The following BCAR3 variants were observed in gnomAD, a reference collection of about 807,000 sequenced individuals.
BCAR3 encodes breast cancer anti-estrogen resistance protein 3.
Under a neutral mutation model 80.1 loss-of-function variants are expected in BCAR3, and 37 were observed. The observed-to-expected ratio is 0.46, with a 90% CI of 0.36 to 0.61. The LOEUF (loss-of-function observed/expected upper bound fraction) is 0.61. BCAR3 is among the 20% of genes least tolerant of loss of function. BCAR3 has a pLI of 0.00. For synonymous variants in BCAR3, 389 were observed against 418.9 expected (o/e 0.93, Z 0.87); for missense variants, 978 against 1,068.2 (o/e 0.92, Z 1.18).
chr1:93,685,300 AAGTACTGCTATT>A (rs1158556577), upstream of BCAR3, among the ~76,000 whole-genome samples: 6 of 152,178 alleles, frequency 3.9e-5, no homozygotes, highest in African/African-American at 1.4e-4. Context: ...CACTAGAAAT[AAGTACTGCTATT>A]AGTACTGCTA....
chr1:93,731,305 C>A (rs1434303439), intron 2 of BCAR3, among the ~76,000 whole-genome samples: 1 of 152,202 alleles, frequency 6.6e-6, no homozygotes, highest in Non-Finnish European at 1.5e-5. Flanking sequence ...GTATTGGTTT[C>A]TTAATTGTGA....
At chr1:93,645,382 G>C (rs1676121424) in intron 2 of BCAR3, among the ~76,000 whole-genome samples, 1 of 152,120 alleles carries the variant, frequency 6.6e-6, no homozygotes, top group Non-Finnish European at 1.5e-5. Context: ...CTACTTCCCA[G>C]AGTTTATGTA....
chr1:93,679,293 CTG>C (rs1245240889), intron 1 of BCAR3, among the ~76,000 whole-genome samples: 1 of 152,206 alleles, frequency 6.6e-6, no homozygotes, highest in Admixed American at 6.5e-5. Flanking sequence ...ATAAGAGTCA[CTG>C]TATCTCTGTT....
At chr1:93,698,934 C>G (rs1040377393) in intron 3 of BCAR3, among the ~76,000 whole-genome samples, 1 of 152,196 alleles carries the variant, frequency 6.6e-6, no homozygotes, top group Admixed American at 6.5e-5. Flanking sequence ...GCACACAACA[C>G]AAGGGAATCG....
chr1:93,838,632 G>A (rs1654851141), intron 2 of BCAR3, among the ~76,000 whole-genome samples: 1 of 152,144 alleles, frequency 6.6e-6, no homozygotes, highest in Admixed American at 6.5e-5. Flanking sequence ...GTCATTTATA[G>A]TCTGCTACTG....
In BCAR3 at chr1:93,576,018, C is replaced by A; in HGVS notation, c.1798G>T (p.Glu600Ter). 1.2e-6 allele frequency: 2 copies of A among 1,614,092 alleles called. No individual in the cohort carries two copies. The highest frequency in any genetic ancestry group is 1.7e-6 in the Non-Finnish European group (2 of 1,179,974). The stretch of plus-strand genomic sequence containing the variant: ...GCAGAGGACGGCACTGCTCACCTTT[C>A]AATTATGTCCAGGCGCAGCTGGTGT... ...HGHQLRLDII[E>*]RHNTMAIGIA... The change falls in exon 8 of 12, where the codon GAA (glutamate) becomes TAA (stop). Residue 600 changes from glutamate (E) to a stop codon, truncating the protein, a stop_gained. Transcript: ENST00000260502. LOFTEE classifies it high-confidence loss of function.
chr1:93,678,950 TTC>T (rs1648624745), intron 1 of BCAR3, among the ~76,000 whole-genome samples: 1 of 152,206 alleles, frequency 6.6e-6, no homozygotes, highest in Non-Finnish European at 1.5e-5. Flanking sequence ...TTGGAAATAT[TTC>T]TGTCTCAATG....
intron 2 of BCAR3, among the ~76,000 whole-genome samples, chr1:93,729,833 C>G (rs1409615998): frequency 6.6e-6 from 1 of 152,236 alleles, no homozygotes; most frequent in African/African-American, 2.4e-5. Context: ...ACTGGGGCCA[C>G]ATCAGCTTGC....
chr1:93,809,209 T>A (rs1419755609), intron 2 of BCAR3, among the ~76,000 whole-genome samples: 1 of 152,102 alleles, frequency 6.6e-6, no homozygotes, highest in Non-Finnish European at 1.5e-5. Context: ...TTTCACTATA[T>A]TTAGAAGGAT....
At chr1:93,808,601 A>T (rs1653730997) in intron 2 of BCAR3, among the ~76,000 whole-genome samples, 1 of 152,198 alleles carries the variant, frequency 6.6e-6, no homozygotes, top group African/African-American at 2.4e-5. Flanking sequence ...GCAATATGGC[A>T]ACCACGTTAC....
At chr1:93,567,543 C>T (rs1459323277) in intron 10 of BCAR3, 52 bp from the exon 11 acceptor site, 3 of 1,587,240 alleles carry the variant, frequency 1.9e-6, no homozygotes, top group Non-Finnish European at 2.6e-6. Context: ...CAAAGTTAAG[C>T]ACAGAATGAG....
At chr1:93,699,410 G>C (rs1403336855) in intron 3 of BCAR3, among the ~76,000 whole-genome samples, 8 of 152,130 alleles carry the variant, frequency 5.3e-5, no homozygotes, top group African/African-American at 1.9e-4. Flanking sequence ...AGGGAGGCTG[G>C]GCGCTGGGGA....
chr1:93,615,386 ATCAACGTG>A (rs1675084603), intron 3 of BCAR3, among the ~76,000 whole-genome samples: 1 of 152,218 alleles, frequency 6.6e-6, no homozygotes, highest in African/African-American at 2.4e-5. Context: ...GCCCGGCCTC[ATCAACGTG>A]TCAACATGGG....
At chr1:93,761,172 C>T (rs901947237) in intron 2 of BCAR3, among the ~76,000 whole-genome samples, 1 of 152,248 alleles carries the variant, frequency 6.6e-6, no homozygotes, top group East Asian at 1.9e-4. Flanking sequence ...GAGTCTGCCC[C>T]CTGTAGAGAC....
At chr1:93,645,630 C>T (rs1165245952) in intron 2 of BCAR3, among the ~76,000 whole-genome samples, 2 of 145,950 alleles carry the variant, frequency 1.4e-5, no homozygotes, top group Non-Finnish European at 3.0e-5. Context: ...AGTAAAGCTA[C>T]AGGATCTTTG....
chr1:93,665,757 AG>A (rs1487621857), intron 2 of BCAR3, among the ~76,000 whole-genome samples: 1 of 152,192 alleles, frequency 6.6e-6, no homozygotes, highest in Admixed American at 6.5e-5. Flanking sequence ...AACCCCAAAC[AG>A]AAGTCCTGAT....
chr1:93,758,479 C>T (rs1571103263), intron 2 of BCAR3, among the ~76,000 whole-genome samples: 3 of 152,318 alleles, frequency 2.0e-5, no homozygotes, highest in Non-Finnish European at 4.4e-5. Flanking sequence ...CCAGTGCAGA[C>T]AAAGAGTTGG....
intron 3 of BCAR3, chr1:93,614,045 C>A: frequency 6.8e-7 from 1 of 1,460,696 alleles, no homozygotes; most frequent in Non-Finnish European, 9.0e-7. Context: ...GCCCAGAAGT[C>A]AGGGAAGTCG....
rs545987155 is a variant in BCAR3, at chr1:93,733,798, A to G, written c.-62-27656T>C. Among the ~76,000 whole-genome samples the G allele has an allele frequency of 2.0e-5, 3 of 152,326 alleles. No homozygotes were observed. In the East Asian group the frequency reaches 5.8e-4, roughly 29 times the overall value. The stretch of plus-strand genomic sequence containing the variant: ...CTTCTCCAGATCCTCTCATTTTCTC[A>G]GAGCCCTTGGCCTGTTGGGGACTAG... On this transcript the variant is annotated intron_variant, in intron 2 of 13. Transcript: ENST00000370244.
Sources: gnomAD v4.1 joint callset for allele counts (sites outside exome capture counted in the v4.1 genomes callset) on GRCh38, gnomAD v4.1.1 for gene constraint, MANE v1.5 for transcripts, NCBI Gene and HGNC (gene_info 2026-07-23, HGNC 2026-07-21) for gene names.